PDE7B: variants seen among roughly 807,000 people sequenced by gnomAD.
PDE7B encodes 3',5'-cyclic-AMP phosphodiesterase 7B.
Under a neutral mutation model 56.2 loss-of-function variants are expected in PDE7B, and 29 were observed. The ratio of observed to expected loss-of-function variants is 0.52; its 90% confidence interval spans 0.38 to 0.70. The LOEUF is 0.70. PDE7B is among the 30% of genes least tolerant of loss of function. The pLI is 0.00. For synonymous variants in PDE7B, 197 were observed against 196.9 expected (o/e 1.00, Z 0.00); for missense variants, 490 against 565.0 (o/e 0.87, Z 1.35).
intron 11 of PDE7B, 81 bp downstream of exon 11, chr6:136,181,404 A>C (rs1474739295): frequency 1.2e-6 from 1 of 851,634 alleles, no homozygotes; most frequent in East Asian, 2.4e-5. Context: ...GAAATGGCTG[A>C]TCTATCATGA....
intron 2 of PDE7B, among the ~76,000 whole-genome samples, chr6:136,077,345 TAAAG>T (rs967716802): frequency 8.6e-5 from 13 of 152,000 alleles, no homozygotes; most frequent in African/African-American, 3.1e-4. Flanking sequence ...TTTCAATAAA[TAAAG>T]AAAATGTAAA....
At chr6:136,124,279 GC>G (rs1164688732) in intron 3 of PDE7B, among the ~76,000 whole-genome samples, 27 of 151,966 alleles carry the variant, frequency 1.8e-4, no homozygotes, top group African/African-American at 6.5e-4. Context: ...TTAAAATTCT[GC>G]CCAAATTGTG....
At chr6:135,945,380 T>C (rs975364277) in intron 1 of PDE7B, among the ~76,000 whole-genome samples, 1 of 152,134 alleles carries the variant, frequency 6.6e-6, no homozygotes, top group African/African-American at 2.4e-5. Flanking sequence ...TCAATGCTCT[T>C]TTGCACCCTT....
chr6:135,929,015 A>G (rs1004340090), intron 1 of PDE7B, among the ~76,000 whole-genome samples: 2 of 152,192 alleles, frequency 1.3e-5, no homozygotes, highest in African/African-American at 4.8e-5. Context: ...CCTAAAATAC[A>G]GTAAGAACTG....
chr6:136,128,620 T>TA lies in PDE7B; in HGVS notation c.167-18730dup, dbSNP rs1778064163. On this transcript the variant is annotated intron_variant, in intron 3 of 12. Transcript: ENST00000308191. ...TTTCCTTTGACTTTTACCCCTTCCT[T>TA]ACTCACACCATTGAGCTAAGCACTA... 2.6e-5 allele frequency among the ~76,000 whole-genome samples: 4 copies of TA among 152,158 alleles called. No individual in the cohort carries two copies. In the South Asian group the frequency reaches 8.3e-4, roughly 31 times the overall value.
At chr6:136,190,566 G>A (rs936052084) in intron 12 of PDE7B, among the ~76,000 whole-genome samples, 5 of 152,076 alleles carry the variant, frequency 3.3e-5, no homozygotes, top group Admixed American at 2.0e-4. Context: ...ACACATCAAG[G>A]AAATACAACA....
intron 2 of PDE7B, among the ~76,000 whole-genome samples, chr6:135,991,222 C>A (rs1281605654): frequency 6.6e-6 from 1 of 152,098 alleles, no homozygotes; most frequent in Non-Finnish European, 1.5e-5. Flanking sequence ...CTATCTCATC[C>A]TGTAACTAAG....
intron 3 of PDE7B, among the ~76,000 whole-genome samples, chr6:136,116,116 A>G (rs12200449): frequency 0.027 from 4,079 of 152,358 alleles, 127 homozygotes; most frequent in African/African-American, 0.083. Context: ...CAGAGACAAG[A>G]GAAGGCAGAG....
At chr6:136,072,697 A>T (rs182757240) in intron 2 of PDE7B, 1 of 152,116 alleles carries the variant, frequency 6.6e-6, no homozygotes, top group Non-Finnish European at 1.5e-5. Context: ...TCATCTTGTC[A>T]TTACATTTCC....
intron 8 of PDE7B, among the ~76,000 whole-genome samples, chr6:136,158,198 A>G (rs1222951216): frequency 6.6e-6 from 1 of 152,128 alleles, no homozygotes. Flanking sequence ...CTGAGACACA[A>G]ATGGGCTTTC....
chr6:135,868,547 T>C (rs1277443005), intron 1 of PDE7B, among the ~76,000 whole-genome samples: 1 of 152,168 alleles, frequency 6.6e-6, no homozygotes, highest in Non-Finnish European at 1.5e-5. Flanking sequence ...TTCTCCTGCC[T>C]CAGCCTCCTA....
At chr6:136,095,962 G>A (rs539256760) in intron 2 of PDE7B, 1 of 152,286 alleles carries the variant, frequency 6.6e-6, no homozygotes, top group East Asian at 1.9e-4. Context: ...TATAACATGG[G>A]TATAATATAA....
intron 2 of PDE7B, among the ~76,000 whole-genome samples, chr6:135,985,909 G>A (rs1775368560): frequency 1.3e-5 from 2 of 152,102 alleles, no homozygotes; most frequent in South Asian, 4.2e-4. Flanking sequence ...CTACAGCCAG[G>A]TGTTTGTGAG....
chr6:135,959,315 A>G (rs1385081401), intron 2 of PDE7B, among the ~76,000 whole-genome samples: 1 of 152,216 alleles, frequency 6.6e-6, no homozygotes, highest in Non-Finnish European at 1.5e-5. Context: ...GAATATGAAT[A>G]GTAAATATAA....
intron 9 of PDE7B, among the ~76,000 whole-genome samples, chr6:136,177,660 TCTG>T (rs1343270033): frequency 9.2e-5 from 14 of 152,318 alleles, no homozygotes; most frequent in Admixed American, 1.3e-4. Context: ...GAGAATCTCA[TCTG>T]CTACTGCTGG....
intron 1 of PDE7B, among the ~76,000 whole-genome samples, chr6:135,882,881 A>G (rs1410889007): frequency 1.3e-5 from 2 of 152,186 alleles, no homozygotes; most frequent in East Asian, 3.8e-4. Flanking sequence ...CCATTATTAT[A>G]AAGTTTTCTA....
At chr6:136,172,817 T>G (rs996410248) in intron 8 of PDE7B, among the ~76,000 whole-genome samples, 4 of 152,094 alleles carry the variant, frequency 2.6e-5, no homozygotes, top group Admixed American at 6.6e-5. Flanking sequence ...TTGTATAAGG[T>G]GTAAGGAAGG....
At chr6:135,871,985 T>C (rs1337803853) in intron 1 of PDE7B, among the ~76,000 whole-genome samples, 1 of 152,212 alleles carries the variant, frequency 6.6e-6, no homozygotes, top group East Asian at 1.9e-4. Flanking sequence ...AGAAATGAGA[T>C]TTAAAAGAAA....
chr6:136,121,136 A>T (rs1299517733), intron 3 of PDE7B, among the ~76,000 whole-genome samples: 1 of 152,032 alleles, frequency 6.6e-6, no homozygotes, highest in Non-Finnish European at 1.5e-5. Flanking sequence ...ATGATCATCC[A>T]CTACTGGTCA....
Sources: gnomAD v4.1 joint callset for allele counts (sites outside exome capture counted in the v4.1 genomes callset) on GRCh38, gnomAD v4.1.1 for gene constraint, MANE v1.5 for transcripts, NCBI Gene and HGNC (gene_info 2026-07-23, HGNC 2026-07-21) for gene names.